DAZAP1: variants seen among roughly 807,000 people sequenced by gnomAD.
DAZAP1 encodes the protein DAZ-associated protein 1.
DAZAP1 carries 6 observed loss-of-function variants against 60.1 expected under a neutral mutation model. The ratio of observed to expected loss-of-function variants is 0.10; its 90% CI spans 0.05 to 0.20. DAZAP1 has a LOEUF of 0.20. Ranked by LOEUF, DAZAP1 falls within the 10% of genes least tolerant of loss-of-function variation. DAZAP1 has a pLI of 1.00. For missense variants in DAZAP1, 366 were observed against 560.4 expected (o/e 0.65, Z 3.50); for synonymous variants, 235 against 215.9 (o/e 1.09, Z -0.78).
Position 1,433,930 on chromosome 19 carries a change from C to T in DAZAP1, c.1049-807C>T. 1 of 1,060,692 alleles carries T rather than the reference C, an allele frequency of 9.4e-7. No individual in the cohort carries two copies. The highest frequency in any genetic ancestry group is 1.4e-6 in the Non-Finnish European group (1 of 702,838). 65.7% of individuals were successfully genotyped at this position (1,060,692 alleles called of 1,614,324 possible). ...GGCGGGGGTGGACGCTGGCGGTGCCCTCTGGGAAGGGGCCCTTGCCGGTGC... is the reference window on the plus strand; with the variant it reads ...GGCGGGGGTGGACGCTGGCGGTGCCTTCTGGGAAGGGGCCCTTGCCGGTGC... On this transcript the variant is annotated intron_variant, in intron 11 of 11. Coordinates refer to ENST00000233078, the MANE Select transcript of DAZAP1 (RefSeq NM_018959.4). This position sits in a 1 kb window ranked among gnomAD's most constrained non-coding sequence, Gnocchi z 6.1.
chr19:1,419,026 C>T (rs1012119784), intron 4 of DAZAP1, among the ~76,000 whole-genome samples: 1 of 152,078 alleles, frequency 6.6e-6, no homozygotes, highest in Admixed American at 6.5e-5. Context: ...GCCGGGCCTG[C>T]CCCCTCCCAC....
intron 4 of DAZAP1, among the ~76,000 whole-genome samples, chr19:1,420,698 G>C (rs970234770): frequency 6.6e-6 from 1 of 152,268 alleles, no homozygotes; most frequent in South Asian, 2.1e-4. Flanking sequence ...CACAGCTCTT[G>C]AGCTGCTGGA....
At chr19:1,411,147 A>G (rs986196341) in intron 1 of DAZAP1, among the ~76,000 whole-genome samples, 1 of 152,188 alleles carries the variant, frequency 6.6e-6, no homozygotes, top group Non-Finnish European at 1.5e-5. Context: ...AGGCTGTTGC[A>G]GTGCGGGGAG....
chr19:1,433,647 T>C lies in DAZAP1; in HGVS notation c.1048+957T>C. The C allele has an allele frequency of 1.0e-6, 1 of 973,038 alleles. No individual in the cohort carries two copies. Among genetic ancestry groups the C allele is most frequent in the African/African-American group, 1.6e-5 (1 of 61,226 alleles). The allele number at this position is 973,038 out of a possible 1,614,324, so 60.3% of individuals were successfully genotyped here. ...GGCGTGTCTGAGACTGGCAGGGGGGTGTGAGGCGCCCGGTTGGGGCGTGGC... is the reference window on the plus strand; with the variant it reads ...GGCGTGTCTGAGACTGGCAGGGGGGCGTGAGGCGCCCGGTTGGGGCGTGGC... On this transcript the variant is annotated intron_variant, in intron 11 of 11. Coordinates refer to ENST00000233078, the MANE Select transcript of DAZAP1 (RefSeq NM_018959.4). The surrounding 1 kb of genome is among the most constrained non-coding windows in gnomAD (Gnocchi z 6.1).
At position 1,418,127 on chromosome 19, in the gene DAZAP1, G is replaced by C. The variant is rs1046798665; in HGVS notation, c.71-77G>C. 16 of 1,496,684 alleles carry C rather than the reference G, an allele frequency of 1.1e-5. No homozygotes were observed. Among genetic ancestry groups the C allele is most frequent in the Non-Finnish European group, 1.4e-5 (15 of 1,084,234 alleles). 92.7% of individuals were successfully genotyped at this position (1,496,684 alleles called of 1,614,324 possible). On this transcript the variant is annotated intron_variant, in intron 2 of 11. Coordinates refer to ENST00000233078, the MANE Select transcript of DAZAP1 (RefSeq NM_018959.4). The surrounding 1 kb of genome is among the most constrained non-coding windows in gnomAD (Gnocchi z 5.7). ...TGGCTGGTGGACTGGAGGAGTGTGC[G>C]TGCCGGCAGCACTGCCAGGCACGTG...
chr19:1,408,351 T>TCGC (rs1439129976), intron 1 of DAZAP1, among the ~76,000 whole-genome samples: 1 of 145,954 alleles, frequency 6.9e-6, no homozygotes, highest in African/African-American at 2.6e-5. Context: ...CAGGGCGCCG[T>TCGC]CGCCGCCGCC....
Position 1,435,333 on chromosome 19 carries a change from T to A in DAZAP1, c.*421T>A, listed in dbSNP as rs563744317. The A allele has an allele frequency of 1.3e-5, 2 of 152,640 alleles. No homozygotes were observed. Among genetic ancestry groups the A allele is most frequent in the Admixed American group, 6.5e-5 (1 of 15,320 alleles). The allele number at this position is 152,640 out of a possible 1,614,324, so 9.5% of individuals were successfully genotyped here. A position where few individuals can be genotyped will look rare whatever the true frequency, so the allele number is the denominator to read the frequency against. ...CTACGATGTATACTGGCTTATTTTT[T>A]AATTTAAAACGGGGTTTCCGTCGGC... On this transcript the variant is annotated 3_prime_UTR_variant, in exon 12 of 12. Transcript: ENST00000233078.
rs1307546668 is a variant in DAZAP1 at position 1,426,604 on chromosome 19, G to T, written c.546+644G>T. 1.3e-5 allele frequency: 2 copies of T among 152,304 alleles called. No individual in the cohort carries two copies. The highest frequency in any genetic ancestry group is 4.8e-5 in the African/African-American group (2 of 41,450). The allele number at this position is 152,304 out of a possible 1,614,324, so 9.4% of individuals were successfully genotyped here. On this transcript the variant is annotated intron_variant, in intron 7 of 11. Transcript: ENST00000233078. This position sits in a 1 kb window ranked among gnomAD's most constrained non-coding sequence, Gnocchi z 5.4. ...CAACCCCCAGGCCAGCCCTTGGAAG[G>T]CATGTGTCAGAAAGGGGTCCCTAAA... is the stretch of plus-strand genomic sequence containing the variant.
chr19:1,419,578 C>T (rs562657684), intron 4 of DAZAP1, among the ~76,000 whole-genome samples: 1 of 152,354 alleles, frequency 6.6e-6, no homozygotes, highest in Non-Finnish European at 1.5e-5. Context: ...GTGTTCCCAG[C>T]TCCAGAATTG....
chr19:1,418,615 C>CT lies in DAZAP1; in HGVS notation c.238-50dup. The CT allele has an allele frequency of 1.2e-6, 2 of 1,610,846 alleles. No individual in the cohort carries two copies. Among genetic ancestry groups the CT allele is most frequent in the African/African-American group, 1.3e-5 (1 of 74,898 alleles). The stretch of plus-strand genomic sequence containing the variant: ...TGCTGTTGTGCTGACACCCTCTTTC[C>CT]TAGAGAAACAGCCTCTTATTCACAA... On this transcript the variant is annotated intron_variant, in intron 3 of 11. Coordinates refer to ENST00000233078, the MANE Select transcript of DAZAP1 (RefSeq NM_018959.4). This position sits in a 1 kb window ranked among gnomAD's most constrained non-coding sequence, Gnocchi z 5.7.
Position 1,432,622 on chromosome 19 carries a change from C to G in DAZAP1, c.980C>G (p.Pro327Arg). Reference sequence around the variant, plus strand: ...GCACCTCTGGCTTTCCCACCGCCTCCGTCTCAGGCTGCCCCGGACATGAGC... The same window carrying G: ...GCACCTCTGGCTTTCCCACCGCCTCGGTCTCAGGCTGCCCCGGACATGAGC... ...GAAPLAFPPP[P>R]SQAAPDMSKP... The change falls in exon 11 of 12, where the codon CCG becomes CGG. Residue 327 changes from proline to arginine, a missense_variant. By Grantham distance (103) the Pro-to-Arg change is moderately radical. Transcript: ENST00000233078. The surrounding 1 kb of genome is among the most constrained non-coding windows in gnomAD (Gnocchi z 4.9). 6.2e-7 allele frequency: 1 copy of G among 1,613,646 alleles called. No individual in the cohort carries two copies. The highest frequency in any genetic ancestry group is 8.5e-7 in the Non-Finnish European group (1 of 1,179,992).
Position 1,428,094 on chromosome 19 carries a change from C to CCGCA in DAZAP1, c.547-746_547-743dup, listed in dbSNP as rs1190730117. 2.0e-5 allele frequency: 3 copies of CCGCA among 152,342 alleles called. No individual in the cohort carries two copies. Among genetic ancestry groups the CCGCA allele is most frequent in the African/African-American group, 7.2e-5 (3 of 41,556 alleles). 9.4% of individuals were successfully genotyped at this position (152,342 alleles called of 1,614,324 possible). A position where few individuals can be genotyped will look rare whatever the true frequency, so the allele number is the denominator to read the frequency against. Reference sequence around the variant, plus strand: ...CCTGCTCCATCCATTGTCCCCGGCCCCGCACCCTCCTCCTGAGAAGACTGT... The same window carrying CCGCA: ...CCTGCTCCATCCATTGTCCCCGGCCCCGCACGCACCCTCCTCCTGAGAAGACTGT... On this transcript the variant is annotated intron_variant, in intron 7 of 11. Coordinates refer to ENST00000233078, the MANE Select transcript of DAZAP1 (RefSeq NM_018959.4). The surrounding 1 kb of genome is among the most constrained non-coding windows in gnomAD (Gnocchi z 4.0).
chr19:1,419,318 G>A (rs989139542), intron 4 of DAZAP1, among the ~76,000 whole-genome samples: 3 of 152,230 alleles, frequency 2.0e-5, no homozygotes, highest in African/African-American at 7.2e-5. Flanking sequence ...AGATGGGAAA[G>A]CTCTTAGCCC....
In DAZAP1 at chr19:1,434,489, G is replaced by C. The variant is rs895434248; in HGVS notation, c.1049-248G>C. Reference sequence around the variant, plus strand: ...TTGAACAGGGAAGCGGTGAGGTTACGTGGGCCATGGAGGGCTCTGGAAGCC... The same window carrying C: ...TTGAACAGGGAAGCGGTGAGGTTACCTGGGCCATGGAGGGCTCTGGAAGCC... On this transcript the variant is annotated intron_variant, in intron 11 of 11. Coordinates refer to ENST00000233078, the MANE Select transcript of DAZAP1 (RefSeq NM_018959.4). The surrounding 1 kb of genome is among the most constrained non-coding windows in gnomAD (Gnocchi z 8.0). 6.4e-6 allele frequency: 3 copies of C among 471,452 alleles called. No homozygotes were observed. The highest frequency in any genetic ancestry group is 4.0e-5 in the Admixed American group (1 of 24,898). The allele number at this position is 471,452 out of a possible 1,614,324, so 29.2% of individuals were successfully genotyped here. A position where few individuals can be genotyped will look rare whatever the true frequency, so the allele number is the denominator to read the frequency against.
intron 1 of DAZAP1, among the ~76,000 whole-genome samples, chr19:1,414,052 G>T (rs2082905529): frequency 7.0e-6 from 1 of 143,654 alleles, no homozygotes; most frequent in Non-Finnish European, 1.5e-5. Context: ...CCCTCACTCT[G>T]TCGCCCAGGC....
chr19:1,427,011 CAGT>C (rs1345129910), intron 7 of DAZAP1: 3 of 152,232 alleles, frequency 2.0e-5, no homozygotes, highest in African/African-American at 4.8e-5. Flanking sequence ...TTTTTAAAAA[CAGT>C]AGCATGTGTA....
At chr19:1,413,885 G>C (rs886954324) in intron 1 of DAZAP1, among the ~76,000 whole-genome samples, 2 of 152,084 alleles carry the variant, frequency 1.3e-5, no homozygotes, top group Admixed American at 1.3e-4. Flanking sequence ...CTGACTTACA[G>C]GAAAATTACA....
At position 1,422,357 on chromosome 19, in the gene DAZAP1, G is replaced by A; in HGVS notation, c.424G>A (p.Val142Ile). 6.2e-7 allele frequency: 1 copy of A among 1,614,136 alleles called. No individual in the cohort carries two copies. Among genetic ancestry groups the A allele is most frequent in the South Asian group, 1.1e-5 (1 of 91,078 alleles). ...CACCCTCTCCTTCCAGGTCACGGAGGTAGTCATGATCTATGACGCCGAGAA... is the reference window on the plus strand; with the variant it reads ...CACCCTCTCCTTCCAGGTCACGGAGATAGTCATGATCTATGACGCCGAGAA... ...YFKKFGVVTE[V>I]VMIYDAEKQR... Residue 142 changes from valine (V) to isoleucine (I), a missense_variant, in exon 6 of 12, where the codon GTA (valine) becomes ATA (isoleucine). Transcript: ENST00000233078. This position sits in a 1 kb window ranked among gnomAD's most constrained non-coding sequence, Gnocchi z 4.5.
At position 1,423,012 on chromosome 19, in the gene DAZAP1, G is replaced by A. The variant is rs1289188769; in HGVS notation, c.463+616G>A. On this transcript the variant is annotated intron_variant, in intron 6 of 11. Coordinates refer to ENST00000233078, the MANE Select transcript of DAZAP1 (RefSeq NM_018959.4). This position sits in a 1 kb window ranked among gnomAD's most constrained non-coding sequence, Gnocchi z 6.8. ...GGGACGATGGGCGCCCAGTTTCTGT[G>A]CCCCTTTTCCGTGGCTGCTGCTGTC... Among the ~76,000 whole-genome samples the A allele has an allele frequency of 6.6e-6, 1 of 152,044 alleles. No individual in the cohort carries two copies. The highest frequency in any genetic ancestry group is 1.5e-5 in the Non-Finnish European group (1 of 68,018).
Sources: gnomAD v4.1 joint callset for allele counts (sites outside exome capture counted in the v4.1 genomes callset) on GRCh38, gnomAD v4.1.1 for gene constraint, Gnocchi (gnomAD v3.1) non-coding constraint, MANE v1.5 for transcripts, NCBI Gene and HGNC (gene_info 2026-07-23, HGNC 2026-07-21) for gene names.